The following SCML4 variants were observed in gnomAD, a reference collection of about 807,000 sequenced individuals.
SCML4 encodes Scm polycomb group protein like 4, also known as sex comb on midleg-like protein 4.
Under a neutral mutation model 41.1 loss-of-function variants are expected in SCML4, and 34 were observed. The observed-to-expected ratio is 0.83, with a 90% confidence interval of 0.63 to 1.10. The LOEUF is 1.10. SCML4 is among the 50% of genes least tolerant of loss of function. The pLI is 0.00. For missense variants in SCML4, 522 were observed against 534.1 expected (o/e 0.98, Z 0.22); for synonymous variants, 214 against 220.9 (o/e 0.97, Z 0.28).
At chr6:107,721,852 C>G (rs771784112) in intron 5 of SCML4, among the ~76,000 whole-genome samples, 2 of 152,202 alleles carry the variant, frequency 1.3e-5, no homozygotes, top group Non-Finnish European at 2.9e-5. Context: ...ATCTGGATAG[C>G]CCCACAATCC....
upstream of SCML4, among the ~76,000 whole-genome samples, chr6:107,825,220 A>G (rs1785206144): frequency 6.6e-6 from 1 of 152,342 alleles, no homozygotes; most frequent in East Asian, 1.9e-4. Context: ...GCATATTCAC[A>G]GGTATTTCCT....
chr6:107,733,880 G>A (rs992173273), intron 5 of SCML4, among the ~76,000 whole-genome samples: 5 of 152,216 alleles, frequency 3.3e-5, no homozygotes, highest in Non-Finnish European at 7.3e-5. Flanking sequence ...ATCAGAAACA[G>A]AACATCTTCT....
chr6:107,772,114 C>A, intron 2 of SCML4, 58 bp downstream of exon 2: 1 of 1,472,796 alleles, frequency 6.8e-7, no homozygotes. Context: ...GCAGGTCTGA[C>A]CAAGTACCCG....
At chr6:107,823,991 A>C (rs1318236503) in intron 1 of SCML4, 135 bp downstream of exon 1, 1 of 152,238 alleles carries the variant, frequency 6.6e-6, no homozygotes, top group African/African-American at 2.4e-5. Context: ...GTTTTAGTGC[A>C]GGACACTCTT....
At chr6:107,804,021 G>T (rs190518393) in intron 1 of SCML4, among the ~76,000 whole-genome samples, 94 of 145,784 alleles carry the variant, frequency 6.4e-4, no homozygotes, top group Middle Eastern at 3.6e-3. Flanking sequence ...ATCCCCCTCT[G>T]CGAGAAACAC....
chr6:107,712,587 G>A lies in SCML4; in HGVS notation c.974-4576C>T, dbSNP rs537530410. Among the ~76,000 whole-genome samples the A allele has an allele frequency of 5.3e-5, 8 of 152,208 alleles. No individual in the cohort carries two copies. In the East Asian group the frequency reaches 1.4e-3, roughly 26 times the overall value. The stretch of plus-strand genomic sequence containing the variant: ...AGCAGAGGCAGCAGGGGCCTGGCTC[G>A]GGCGTGTTTCTTAGGGGGCCTTTTA... On this transcript the variant is annotated intron_variant, in intron 6 of 7. Coordinates refer to ENST00000369020, the MANE Select transcript of SCML4 (RefSeq NM_198081.5).
At chr6:107,734,259 T>C (rs1165456997) in intron 5 of SCML4, among the ~76,000 whole-genome samples, 2 of 152,190 alleles carry the variant, frequency 1.3e-5, no homozygotes, top group South Asian at 2.1e-4. Flanking sequence ...ACAAAATAAA[T>C]TGTGATTTAG....
intron 1 of SCML4, among the ~76,000 whole-genome samples, chr6:107,802,774 CG>C (rs1783306333): frequency 6.7e-6 from 1 of 149,502 alleles, no homozygotes; most frequent in African/African-American, 2.5e-5. Context: ...TCTCTTTCCA[CG>C]GTCTCCCCCT....
In SCML4 at chr6:107,821,290, T is replaced by C. The variant is rs927409393; in HGVS notation, c.-60+2836A>G. 1.5e-4 allele frequency among the ~76,000 whole-genome samples: 23 copies of C among 152,246 alleles called. 1 individual carries two copies. The highest frequency in any genetic ancestry group is 5.5e-4 in the African/African-American group (23 of 41,552). On this transcript the variant is annotated intron_variant, in intron 1 of 7. Coordinates refer to ENST00000369020, the MANE Select transcript of SCML4 (RefSeq NM_198081.5). ...AGGGGCTGATTTAATCCCCCTCTTC[T>C]CTCCTCACCTGTCTGCTTTTGAAGG...
chr6:107,723,034 GACAA>G (rs1775588811), intron 5 of SCML4, among the ~76,000 whole-genome samples: 1 of 151,674 alleles, frequency 6.6e-6, no homozygotes, highest in Non-Finnish European at 1.5e-5. Context: ...TAGCTACATT[GACAA>G]AAAAATAAAC....
chr6:107,817,450 C>G (rs1426892356), intron 1 of SCML4, among the ~76,000 whole-genome samples: 2 of 151,980 alleles, frequency 1.3e-5, no homozygotes, highest in African/African-American at 4.8e-5. Flanking sequence ...AACCCTGTCT[C>G]TACTAAAAAT....
At chr6:107,790,619 A>G (rs1288877356) in intron 1 of SCML4, among the ~76,000 whole-genome samples, 1 of 152,116 alleles carries the variant, frequency 6.6e-6, no homozygotes, top group Non-Finnish European at 1.5e-5. Flanking sequence ...TATTTATTGG[A>G]CGCTTACTAA....
chr6:107,814,273 G>T, intron 1 of SCML4, among the ~76,000 whole-genome samples: 1 of 152,232 alleles, frequency 6.6e-6, no homozygotes, highest in East Asian at 1.9e-4. Flanking sequence ...TAACCGTGGA[G>T]CCACTTAATT....
In SCML4 at chr6:107,708,065, C is replaced by T; in HGVS notation, c.974-54G>A. 3 of 1,529,586 alleles carry T rather than the reference C, an allele frequency of 2.0e-6. 1 individual carries two copies. The highest frequency in any genetic ancestry group is 4.0e-5 in the Admixed American group (2 of 50,458). 94.8% of individuals were successfully genotyped at this position (1,529,586 alleles called of 1,614,324 possible). ...GAGCCAGTGGGACAGGGCCTTGCAC[C>T]TACCTGGTGCTGCCTGCCCCCACCT... is the stretch of plus-strand genomic sequence containing the variant. On this transcript the variant is annotated intron_variant, in intron 6 of 7. Transcript: ENST00000369020.
intron 1 of SCML4, among the ~76,000 whole-genome samples, chr6:107,817,113 T>TC (rs1784595671): frequency 6.6e-6 from 1 of 152,198 alleles, no homozygotes; most frequent in Non-Finnish European, 1.5e-5. Context: ...ATTTTTTTTT[T>TC]CTTCAGGCAT....
intron 1 of SCML4, among the ~76,000 whole-genome samples, chr6:107,774,433 A>G (rs1780754561): frequency 6.6e-6 from 1 of 152,164 alleles, no homozygotes; most frequent in Non-Finnish European, 1.5e-5. Context: ...CTACTTCTAG[A>G]CTTAGTGCCA....
At chr6:107,837,162 C>T in the SCML4 span, among the ~76,000 whole-genome samples, 4 of 152,278 alleles carry the variant, frequency 2.6e-5, no homozygotes, top group South Asian at 4.1e-4. Context: ...AGGTAGAATT[C>T]GGAGCAGGCC....
the SCML4 span, among the ~76,000 whole-genome samples, chr6:107,834,126 T>A: frequency 6.6e-6 from 1 of 152,172 alleles, no homozygotes; most frequent in Non-Finnish European, 1.5e-5. Context: ...CTGGGCCTTT[T>A]TTCAAGTGGG....
In SCML4 at chr6:107,717,081, C is replaced by T. The variant is rs184008703; in HGVS notation, c.973+3622G>A. Among the ~76,000 whole-genome samples, 14 of 141,286 alleles carry T rather than the reference C, an allele frequency of 9.9e-5. No individual in the cohort carries two copies. The East Asian group carries it at 1.7e-3, about 17-fold the overall frequency. 92.7% of individuals were successfully genotyped at this position (141,286 alleles called of 152,430 possible). On this transcript the variant is annotated intron_variant, in intron 6 of 7. Coordinates refer to ENST00000369020, the MANE Select transcript of SCML4 (RefSeq NM_198081.5). ...TTGGGAGGCCGAGGCAGGCAGATCA[C>T]GAGGTCAGGAGATCGAGACCATCCT...
Sources: allele counts gnomAD v4.1 joint callset (sites outside exome capture counted in the v4.1 genomes callset), GRCh38; gene constraint gnomAD v4.1.1; transcripts MANE v1.5; gene names NCBI Gene and HGNC (gene_info 2026-07-23, HGNC 2026-07-21).